The following MAPKAP1 variants were observed in gnomAD, a reference collection of about 807,000 sequenced individuals.
MAPKAP1 encodes target of rapamycin complex 2 subunit MAPKAP1.
MAPKAP1 carries 20 observed loss-of-function variants against 65.7 expected under a neutral mutation model. The observed-to-expected ratio is 0.30, with a 90% CI of 0.21 to 0.44. The LOEUF is 0.44. MAPKAP1 is among the 20% of genes least tolerant of loss of function. The probability of loss-of-function intolerance (pLI) is 1.00; values close to 1 mark genes in which losing one functional copy is unlikely to be tolerated. For missense variants in MAPKAP1, 423 were observed against 648.0 expected (o/e 0.65, Z 3.77); for synonymous variants, 222 against 244.3 (o/e 0.91, Z 0.85).
At chr9:125,520,945 C>G (rs767198891) in intron 7 of MAPKAP1, among the ~76,000 whole-genome samples, 4 of 152,178 alleles carry the variant, frequency 2.6e-5, no homozygotes, top group Admixed American at 6.5e-5. Flanking sequence ...TCCCTCATCC[C>G]CATCAGTCTG....
chr9:125,647,376 G>A (rs1833758591), intron 4 of MAPKAP1, among the ~76,000 whole-genome samples: 1 of 152,144 alleles, frequency 6.6e-6, no homozygotes, highest in Admixed American at 6.5e-5. Flanking sequence ...TATGTGGAGA[G>A]TACCATTCTG....
intron 1 of MAPKAP1, among the ~76,000 whole-genome samples, chr9:125,701,290 CATCAGTAATAA>C (rs1835587954): frequency 1.3e-5 from 2 of 152,230 alleles, no homozygotes; most frequent in South Asian, 4.1e-4. Context: ...GTATACTTTG[CATCAGTAATAA>C]AAGTATATTA....
In MAPKAP1 at chr9:125,707,197, G is replaced by A. The variant is rs543651566; in HGVS notation, c.-296C>T. 14 of 398,182 alleles carry A rather than the reference G, an allele frequency of 3.5e-5. No homozygotes were observed. In the Admixed American group the frequency reaches 5.3e-4, roughly 15 times the overall value. The allele number at this position is 398,182 out of a possible 1,614,324, so 24.7% of individuals were successfully genotyped here. A position where few individuals can be genotyped will look rare whatever the true frequency, so the allele number is the denominator to read the frequency against. On this transcript the variant is annotated 5_prime_UTR_variant, in exon 1 of 12. Transcript: ENST00000265960. ...CCGAGCAGCAGCCCTATTACCCCGAGCCGCACACGACCCGGAACCACACCC... is the reference window on the plus strand; with the variant it reads ...CCGAGCAGCAGCCCTATTACCCCGAACCGCACACGACCCGGAACCACACCC...
At chr9:125,618,339 C>A (rs1832801754) in intron 4 of MAPKAP1, among the ~76,000 whole-genome samples, 1 of 21,566 alleles carries the variant, frequency 4.6e-5, no homozygotes, top group African/African-American at 1.7e-4. Flanking sequence ...GAGGCTCCGT[C>A]TCAAAAAAAA....
intron 1 of MAPKAP1, among the ~76,000 whole-genome samples, chr9:125,701,184 T>C (rs971853927): frequency 2.0e-5 from 3 of 152,192 alleles, no homozygotes; most frequent in Non-Finnish European, 4.4e-5. Context: ...TTCTACCAAT[T>C]TCTCTGCTGA....
At chr9:125,626,845 A>G (rs944531476) in intron 4 of MAPKAP1, among the ~76,000 whole-genome samples, 5 of 152,230 alleles carry the variant, frequency 3.3e-5, no homozygotes, top group African/African-American at 1.2e-4. Context: ...ATACTTAACA[A>G]TAATTACTAA....
intron 7 of MAPKAP1, among the ~76,000 whole-genome samples, chr9:125,522,046 T>C (rs1028608056): frequency 2.4e-4 from 36 of 152,246 alleles, no homozygotes; most frequent in African/African-American, 8.7e-4. Flanking sequence ...GACAGGATTT[T>C]GAGCAGATTC....
chr9:125,591,056 G>A (rs2131590064), intron 4 of MAPKAP1, among the ~76,000 whole-genome samples: 1 of 152,302 alleles, frequency 6.6e-6, no homozygotes, highest in Non-Finnish European at 1.5e-5. Flanking sequence ...TTACAAGCGT[G>A]AGTGACTGCG....
rs1831584223 is a variant in MAPKAP1, at chr9:125,580,452, C to CA, written c.671+5102_671+5103insT. ...ATCACAAGGACAGAAATCCAAACAC[C>CA]GCAAGTTCTCACTTATAGGTGGGAA... On this transcript the variant is annotated intron_variant, in intron 5 of 11. Coordinates refer to ENST00000265960, the MANE Select transcript of MAPKAP1 (RefSeq NM_001006617.3). Among the ~76,000 whole-genome samples, 6 of 127,260 alleles carry CA rather than the reference C, an allele frequency of 4.7e-5. No individual in the cohort carries two copies. The South Asian group carries it at 1.5e-3, about 31-fold the overall frequency. The allele number at this position is 127,260 out of a possible 152,430, so 83.5% of individuals were successfully genotyped here. A position where few individuals can be genotyped will look rare whatever the true frequency, so the allele number is the denominator to read the frequency against.
intron 1 of MAPKAP1, among the ~76,000 whole-genome samples, chr9:125,681,992 G>A (rs1225226981): frequency 6.6e-6 from 1 of 152,086 alleles, no homozygotes; most frequent in Non-Finnish European, 1.5e-5. Context: ...AAACTCCTGG[G>A]CTCAAGCGAT....
chr9:125,597,752 T>C (rs185988140), intron 4 of MAPKAP1, among the ~76,000 whole-genome samples: 7 of 152,354 alleles, frequency 4.6e-5, no homozygotes, highest in Non-Finnish European at 1.0e-4. Flanking sequence ...ATCCAGACGA[T>C]GTAATGATGC....
At chr9:125,459,044 C>G (rs1326014158) in intron 10 of MAPKAP1, among the ~76,000 whole-genome samples, 2 of 134,204 alleles carry the variant, frequency 1.5e-5, no homozygotes, top group Admixed American at 7.3e-5. Flanking sequence ...CGGAGGGGCT[C>G]CTCACTTCTC....
chr9:125,647,419 C>A (rs1325439194), intron 4 of MAPKAP1, among the ~76,000 whole-genome samples: 1 of 152,162 alleles, frequency 6.6e-6, no homozygotes, highest in Non-Finnish European at 1.5e-5. Context: ...AAGCTGAATT[C>A]CCTGGCCTGT....
At chr9:125,513,807 CG>C (rs1829379906) in intron 7 of MAPKAP1, among the ~76,000 whole-genome samples, 1 of 152,110 alleles carries the variant, frequency 6.6e-6, no homozygotes, top group Admixed American at 6.5e-5. Context: ...GGCATCAAAG[CG>C]AAAGTCTGTG....
intron 8 of MAPKAP1, among the ~76,000 whole-genome samples, chr9:125,493,531 G>A (rs1854816118): frequency 6.6e-6 from 1 of 152,230 alleles, no homozygotes; most frequent in Non-Finnish European, 1.5e-5. Context: ...GATGGAACAA[G>A]TGAAGTGTGA....
intron 6 of MAPKAP1, among the ~76,000 whole-genome samples, chr9:125,545,184 G>A (rs958180249): frequency 6.6e-6 from 1 of 152,114 alleles, no homozygotes; most frequent in African/African-American, 2.4e-5. Context: ...CCGCATCCCA[G>A]AACAATCTTT....
chr9:125,609,335 T>C (rs1374467815), intron 4 of MAPKAP1, among the ~76,000 whole-genome samples: 3 of 151,868 alleles, frequency 2.0e-5, no homozygotes, highest in Non-Finnish European at 4.4e-5. Context: ...CCCAAAGGGG[T>C]AGGGATATAT....
chr9:125,459,407 C>T (rs199955511), intron 10 of MAPKAP1, among the ~76,000 whole-genome samples: 34,844 of 147,674 alleles, frequency 0.24, 2,497 homozygotes, highest in Non-Finnish European at 0.32. Flanking sequence ...ACTTCCCAGA[C>T]GGGGTGGCGG....
At chr9:125,661,350 T>TA (rs879932625) in intron 3 of MAPKAP1, among the ~76,000 whole-genome samples, 29 of 151,094 alleles carry the variant, frequency 1.9e-4, no homozygotes, top group South Asian at 6.3e-4. Context: ...AAACAAAACT[T>TA]AAAAAAAAAT....
Sources: gnomAD v4.1 joint callset for allele counts (sites outside exome capture counted in the v4.1 genomes callset) on GRCh38, gnomAD v4.1.1 for gene constraint, MANE v1.5 for transcripts, NCBI Gene and HGNC (gene_info 2026-07-23, HGNC 2026-07-21) for gene names.